GPC5: variants seen among roughly 807,000 people sequenced by gnomAD.
The protein encoded by GPC5 is glypican-5.
GPC5 carries 47 observed loss-of-function variants against 53.9 expected under a neutral mutation model. The observed-to-expected ratio is 0.87, with a 90% CI of 0.69 to 1.11. The LOEUF (loss-of-function observed/expected upper bound fraction) is 1.11, where lower values mean the gene tolerates loss of function less well. Ranked by LOEUF, GPC5 falls within the 50% of genes most tolerant of loss-of-function variation. The probability of loss-of-function intolerance (pLI) is 0.00; values close to 1 mark genes in which losing one functional copy is unlikely to be tolerated. For synonymous variants in GPC5, 286 were observed against 263.3 expected, an observed-to-expected ratio of 1.09 and a Z score of -0.84; for missense variants, 748 against 713.1, an observed-to-expected ratio of 1.05 and a Z score of -0.56.
At chr13:92,630,989 T>C (rs1009606577) in intron 7 of GPC5, among the ~76,000 whole-genome samples, 1 of 152,110 alleles carries the variant, frequency 6.6e-6, no homozygotes, top group Non-Finnish European at 1.5e-5. Flanking sequence ...AATAGTAAAA[T>C]TACCATTTCT....
intron 7 of GPC5, among the ~76,000 whole-genome samples, chr13:92,666,745 C>CT: frequency 6.6e-6 from 1 of 152,176 alleles, no homozygotes. Flanking sequence ...ACTAAAAACT[C>CT]TAAGTGTATA....
At chr13:91,767,640 A>G (rs766457135) in intron 5 of GPC5, among the ~76,000 whole-genome samples, 9 of 152,212 alleles carry the variant, frequency 5.9e-5, no homozygotes, top group Non-Finnish European at 1.0e-4. Flanking sequence ...CTAGGAAAAA[A>G]TGAGGTTAAA....
intron 5 of GPC5, among the ~76,000 whole-genome samples, chr13:91,769,041 A>C (rs758000310): frequency 1.2e-4 from 19 of 152,244 alleles, no homozygotes; most frequent in Non-Finnish European, 2.2e-4. Context: ...CTCTGAAAGC[A>C]ACTTATTTTA....
intron 7 of GPC5, among the ~76,000 whole-genome samples, chr13:92,461,766 G>C (rs1566600678): frequency 6.6e-6 from 1 of 152,186 alleles, no homozygotes; most frequent in African/African-American, 2.4e-5. Context: ...AGGACCCTTA[G>C]CAGACACTGG....
At chr13:92,559,555 C>T (rs540367631) in intron 7 of GPC5, among the ~76,000 whole-genome samples, 6 of 151,738 alleles carry the variant, frequency 4.0e-5, no homozygotes, top group Admixed American at 6.6e-5. Context: ...CCCTATCTGG[C>T]TCTTACACTC....
In GPC5 at chr13:92,002,971, A is replaced by G. The variant is rs868371209; in HGVS notation, c.1401+94914A>G. ...TTTAAGAACATTTAAATGGAAGAGT[A>G]GGAAACCCTGAGGTACTTAACAAAA... On this transcript the variant is annotated intron_variant, in intron 6 of 7. Coordinates refer to ENST00000377067, the MANE Select transcript of GPC5 (RefSeq NM_004466.6). 9.2e-5 allele frequency among the ~76,000 whole-genome samples: 14 copies of G among 152,330 alleles called. No individual in the cohort carries two copies. In the Middle Eastern group the frequency reaches 0.017, roughly 186 times the overall value.
rs200412340 is a variant in GPC5 at position 92,623,165 on chromosome 13, CA to C, written c.1562-243105del. 1.2e-3 allele frequency among the ~76,000 whole-genome samples: 156 copies of C among 125,470 alleles called. 1 individual carries two copies. The Middle Eastern group carries it at 0.017, about 14-fold the overall frequency. 82.3% of individuals were successfully genotyped at this position (125,470 alleles called of 152,430 possible). ...TGGGTGACAGAGTGAGATTCTATCT[CA>C]AAAAAAAAAAAGAAAAGTGAAAAGT... On this transcript the variant is annotated intron_variant, in intron 7 of 7. Coordinates refer to ENST00000377067, the MANE Select transcript of GPC5 (RefSeq NM_004466.6).
At chr13:91,594,261 G>A (rs1227792463) in intron 2 of GPC5, among the ~76,000 whole-genome samples, 1 of 152,212 alleles carries the variant, frequency 6.6e-6, no homozygotes, top group Non-Finnish European at 1.5e-5. Flanking sequence ...TGTGTCAATA[G>A]TGTGTGGTGA....
intron 7 of GPC5, among the ~76,000 whole-genome samples, chr13:92,250,502 T>C (rs1370953010): frequency 3.9e-5 from 6 of 152,096 alleles, no homozygotes; most frequent in Non-Finnish European, 7.4e-5. Flanking sequence ...CTTACCCTTC[T>C]TTATGGCTAT....
chr13:92,293,435 T>C (rs867795039), intron 7 of GPC5, among the ~76,000 whole-genome samples: 11,299 of 144,302 alleles, frequency 0.078, 576 homozygotes, highest in Middle Eastern at 0.12. Context: ...TTTTTTTTTT[T>C]TTTTTTTTTT....
At chr13:92,850,676 T>TTTTTTACTG (rs1878765534) in intron 7 of GPC5, among the ~76,000 whole-genome samples, 2 of 152,080 alleles carry the variant, frequency 1.3e-5, no homozygotes, top group Non-Finnish European at 2.9e-5. Context: ...GAAAGGTCTA[T>TTTTTTACTG]AAAGTAAGGA....
intron 7 of GPC5, among the ~76,000 whole-genome samples, chr13:92,363,681 T>G (rs2043586504): frequency 6.6e-6 from 1 of 151,804 alleles, no homozygotes; most frequent in Non-Finnish European, 1.5e-5. Flanking sequence ...TATTTGTACC[T>G]GCTTTAATAA....
At chr13:92,354,192 T>A (rs1451528595) in intron 7 of GPC5, among the ~76,000 whole-genome samples, 1 of 152,232 alleles carries the variant, frequency 6.6e-6, no homozygotes, top group Admixed American at 6.5e-5. Flanking sequence ...GCTCTATAAC[T>A]TGACAAGTAA....
intron 7 of GPC5, among the ~76,000 whole-genome samples, chr13:92,771,702 C>T (rs1875623053): frequency 6.6e-6 from 1 of 152,114 alleles, no homozygotes; most frequent in African/African-American, 2.4e-5. Flanking sequence ...GACAATTTTG[C>T]AGTGCTTATT....
chr13:91,500,692 A>ATC (rs1423823532), intron 2 of GPC5, among the ~76,000 whole-genome samples: 2 of 152,148 alleles, frequency 1.3e-5, no homozygotes, highest in Non-Finnish European at 2.9e-5. Flanking sequence ...AGGGCTTCTA[A>ATC]TCTCTACAGA....
intron 7 of GPC5, among the ~76,000 whole-genome samples, chr13:92,337,290 AAAG>A (rs2043331574): frequency 6.6e-6 from 1 of 152,292 alleles, no homozygotes; most frequent in Non-Finnish European, 1.5e-5. Context: ...AAAAGAAATC[AAAG>A]AAGAACTACA....
intron 7 of GPC5, among the ~76,000 whole-genome samples, chr13:92,157,891 C>A (rs528516941): frequency 6.6e-6 from 1 of 152,024 alleles, no homozygotes; most frequent in African/African-American, 2.4e-5. Flanking sequence ...AAAGATGTAT[C>A]CCAGCTATAT....
intron 7 of GPC5, among the ~76,000 whole-genome samples, chr13:92,388,745 G>C (rs1343842770): frequency 6.6e-6 from 1 of 152,092 alleles, no homozygotes; most frequent in Non-Finnish European, 1.5e-5. Context: ...GTAATATCTT[G>C]ACTGAGCATT....
At chr13:91,453,626 G>GTTGGGCCTA (rs1881337530) in intron 2 of GPC5, among the ~76,000 whole-genome samples, 1 of 151,486 alleles carries the variant, frequency 6.6e-6, no homozygotes, top group Non-Finnish European at 1.5e-5. Flanking sequence ...AGCCTAGGCT[G>GTTGGGCCTA]GTAGTGTTGG....
Sources: allele counts gnomAD v4.1 joint callset (sites outside exome capture counted in the v4.1 genomes callset), GRCh38; gene constraint gnomAD v4.1.1; transcripts MANE v1.5; gene names NCBI Gene and HGNC (gene_info 2026-07-23, HGNC 2026-07-21).